The following SNX7 variants were observed in gnomAD, a reference collection of about 807,000 sequenced individuals.
SNX7 encodes the protein sorting nexin 7.
Under a neutral mutation model 48.4 loss-of-function variants are expected in SNX7, and 35 were observed. The observed-to-expected ratio is 0.72, with a 90% CI of 0.55 to 0.96. The LOEUF (loss-of-function observed/expected upper bound fraction) is 0.96. Among genes scored for constraint, SNX7 ranks in the 40% least tolerant of loss-of-function variants. The probability of loss-of-function intolerance (pLI) is 0.00; values close to 1 mark genes in which losing one functional copy is unlikely to be tolerated. For synonymous variants in SNX7, 190 were observed against 190.2 expected (o/e 1.00, Z 0.01); for missense variants, 553 against 548.9 (o/e 1.01, Z -0.07).
At chr1:98,755,014 G>A (rs1197644833) in intron 8 of SNX7, among the ~76,000 whole-genome samples, 1 of 151,946 alleles carries the variant, frequency 6.6e-6, no homozygotes, top group Non-Finnish European at 1.5e-5. Context: ...TATTCATTCA[G>A]TTCAAAACTC....
intron 1 of SNX7, among the ~76,000 whole-genome samples, chr1:98,673,058 C>G (rs1649969338): frequency 6.6e-6 from 1 of 151,968 alleles, no homozygotes; most frequent in African/African-American, 2.4e-5. Flanking sequence ...CATACACATG[C>G]TTAACAATCT....
intron 7 of SNX7, among the ~76,000 whole-genome samples, chr1:98,704,464 T>A (rs528811670): frequency 1.3e-4 from 20 of 152,326 alleles, no homozygotes; most frequent in African/African-American, 4.6e-4. Flanking sequence ...TTTATAGGCC[T>A]TCTCACTTTT....
At chr1:98,670,222 G>A (rs1464267349) in intron 1 of SNX7, among the ~76,000 whole-genome samples, 2 of 151,938 alleles carry the variant, frequency 1.3e-5, no homozygotes, top group East Asian at 3.9e-4. Context: ...TATATTAGAA[G>A]AAATAAACAC....
chr1:98,724,842 G>T (rs559217248), intron 7 of SNX7, among the ~76,000 whole-genome samples: 1 of 152,250 alleles, frequency 6.6e-6, no homozygotes, highest in East Asian at 1.9e-4. Context: ...CTGTAGGGAA[G>T]CTGATTTCTC....
At chr1:98,681,080 G>A (rs527262172) in intron 1 of SNX7, among the ~76,000 whole-genome samples, 35 of 152,310 alleles carry the variant, frequency 2.3e-4, no homozygotes, top group Non-Finnish European at 3.7e-4. Context: ...ATTCCACGTG[G>A]CTGGGGAAGC....
intron 7 of SNX7, among the ~76,000 whole-genome samples, chr1:98,715,412 CTGAT>C (rs1160096663): frequency 1.3e-5 from 2 of 152,102 alleles, no homozygotes; most frequent in Non-Finnish European, 2.9e-5. Context: ...CGTTTGATGA[CTGAT>C]TAAGGCAATG....
chr1:98,701,662 A>C (rs1651755551), intron 6 of SNX7, among the ~76,000 whole-genome samples, 155 bp from the exon 7 acceptor site: 2 of 148,420 alleles, frequency 1.3e-5, no homozygotes, highest in Non-Finnish European at 3.0e-5. Flanking sequence ...AGAGTAACAA[A>C]AAAAAAAAAA....
intron 7 of SNX7, among the ~76,000 whole-genome samples, chr1:98,722,719 T>A (rs1652951276): frequency 6.6e-6 from 1 of 152,038 alleles, no homozygotes; most frequent in South Asian, 2.1e-4. Context: ...TAAGAATAAC[T>A]ATCATCCTCA....
At chr1:98,701,682 A>C (rs1028096107) in intron 6 of SNX7, 135 bp from the exon 7 acceptor site, 23 of 516,596 alleles carry the variant, frequency 4.5e-5, no homozygotes, top group African/African-American at 3.8e-4. Flanking sequence ...ACAACTTTTT[A>C]AATGTATTAT....
chr1:98,703,733 G>T (rs9442146), intron 7 of SNX7, among the ~76,000 whole-genome samples: 131,278 of 151,722 alleles, frequency 0.87, 58,424 homozygotes, highest in Non-Finnish European at 0.96. Context: ...TATAGAGAGA[G>T]AGTTAAGAGT....
At chr1:98,662,884 C>G (rs950093832) in intron 1 of SNX7, 3 of 1,257,526 alleles carry the variant, frequency 2.4e-6, no homozygotes, top group African/African-American at 3.1e-5. Flanking sequence ...AGGAAGTGAC[C>G]ATGCATACTC....
chr1:98,695,549 G>A lies in SNX7; in HGVS notation c.671G>A (p.Gly224Asp), dbSNP rs1364909889. ...ELSSHKKQGP[G>D]LLSRMGQTVR... Reference sequence around the variant, plus strand: ...TCTTCTCACAAGAAGCAAGGTCCTGGCTTGCTAAGCAGGATGGGGCAAACC... The same window carrying A: ...TCTTCTCACAAGAAGCAAGGTCCTGACTTGCTAAGCAGGATGGGGCAAACC... The change falls in exon 5 of 9, where the codon GGC becomes GAC. Residue 224 changes from glycine to aspartate, a missense_variant. Gly to Asp is a moderately conservative substitution (Grantham distance 94). Transcript: ENST00000306121. 6.2e-7 allele frequency: 1 copy of A among 1,614,088 alleles called. No individual in the cohort carries two copies. The highest frequency in any genetic ancestry group is 1.1e-5 in the South Asian group (1 of 91,080).
At chr1:98,719,132 A>G (rs189738677) in intron 7 of SNX7, among the ~76,000 whole-genome samples, 8 of 152,248 alleles carry the variant, frequency 5.3e-5, no homozygotes, top group Non-Finnish European at 1.0e-4. Flanking sequence ...TAACTTCTCC[A>G]TGCCTCAGTT....
At chr1:98,669,703 A>G (rs1649745960) in intron 1 of SNX7, among the ~76,000 whole-genome samples, 1 of 152,096 alleles carries the variant, frequency 6.6e-6, no homozygotes, top group African/African-American at 2.4e-5. Context: ...CTTACTGTGT[A>G]TTTTTCTACT....
intron 8 of SNX7, 53 bp from the exon 9 acceptor site, chr1:98,760,001 A>C (rs371916007): frequency 1.3e-5 from 15 of 1,169,694 alleles, no homozygotes; most frequent in Non-Finnish European, 1.8e-5. Context: ...TAATCCTTTA[A>C]CACTGAAAGT....
At chr1:98,661,566 C>T (rs1163807070), upstream of SNX7, 2 of 581,044 alleles carry the variant, frequency 3.4e-6, no homozygotes, top group Admixed American at 5.0e-5. Flanking sequence ...GGGGATGCGC[C>T]CGGCCCGGGC....
At chr1:98,680,725 G>A (rs978275389) in intron 1 of SNX7, among the ~76,000 whole-genome samples, 9 of 152,148 alleles carry the variant, frequency 5.9e-5, no homozygotes, top group African/African-American at 2.2e-4. Context: ...CATAGCAAGA[G>A]TCACCTTTGC....
At chr1:98,715,261 T>C (rs977026245) in intron 7 of SNX7, among the ~76,000 whole-genome samples, 25 of 152,270 alleles carry the variant, frequency 1.6e-4, no homozygotes, top group African/African-American at 5.8e-4. Flanking sequence ...CCTCCTATTT[T>C]AACTTGTTTC....
At chr1:98,724,236 C>T (rs1653049073) in intron 7 of SNX7, among the ~76,000 whole-genome samples, 1 of 151,970 alleles carries the variant, frequency 6.6e-6, no homozygotes, top group African/African-American at 2.4e-5. Context: ...GAGATTTTCT[C>T]ATGTTAACCA....
Sources: allele counts gnomAD v4.1 joint callset (sites outside exome capture counted in the v4.1 genomes callset), GRCh38; gene constraint gnomAD v4.1.1; transcripts MANE v1.5; gene names NCBI Gene and HGNC (gene_info 2026-07-23, HGNC 2026-07-21).